The following ASTN2 variants were observed in gnomAD, a reference collection of about 807,000 sequenced individuals.
ASTN2 encodes the protein astrotactin-2.
In ASTN2, 54 loss-of-function variants were observed where a neutral mutation model predicts 139.8. The ratio of observed to expected loss-of-function variants is 0.39; its 90% CI spans 0.31 to 0.48. The LOEUF is 0.48. Ranked by LOEUF, ASTN2 falls within the 20% of genes least tolerant of loss-of-function variation. The pLI is 0.95. For missense variants in ASTN2, 1,565 were observed against 1,725.1 expected, an observed-to-expected ratio of 0.91 and a Z score of 1.64; for synonymous variants, 756 against 719.5, an observed-to-expected ratio of 1.05 and a Z score of -0.81.
chr9:116,838,108 T>G (rs1564295601), intron 11 of ASTN2, among the ~76,000 whole-genome samples: 7 of 136,908 alleles, frequency 5.1e-5, no homozygotes, highest in Non-Finnish European at 1.1e-4. Context: ...TGTGTTTTTT[T>G]TTGTTTTGTT....
intron 20 of ASTN2, among the ~76,000 whole-genome samples, chr9:116,483,976 T>C (rs1849255077): frequency 6.6e-6 from 1 of 152,184 alleles, no homozygotes; most frequent in South Asian, 2.1e-4. Context: ...CAGAATTTGG[T>C]GTCTGACTGT....
At chr9:116,489,412 T>A (rs570268707) in intron 19 of ASTN2, among the ~76,000 whole-genome samples, 1 of 152,112 alleles carries the variant, frequency 6.6e-6, no homozygotes, top group Non-Finnish European at 1.5e-5. Flanking sequence ...CCTCAGCTCA[T>A]TGAAGCCTCT....
At chr9:116,946,599 G>A (rs1225510590) in intron 10 of ASTN2, among the ~76,000 whole-genome samples, 7 of 152,128 alleles carry the variant, frequency 4.6e-5, no homozygotes, top group Admixed American at 3.9e-4. Context: ...ATAGAAACAG[G>A]GAAGGAGAAA....
chr9:116,675,490 C>G lies in ASTN2; in HGVS notation c.2807-23697G>C, dbSNP rs374136885. 3.9e-5 allele frequency among the ~76,000 whole-genome samples: 6 copies of G among 152,110 alleles called. No homozygotes were observed. In the East Asian group the frequency reaches 1.2e-3, roughly 29 times the overall value. ...GCTCCTTCCAGGGGTTCTTGGTTAG[C>G]TCTTTCCAACTAGTAGGAAGAGTCT... On this transcript the variant is annotated intron_variant, in intron 16 of 22. Transcript: ENST00000313400.
At chr9:117,105,435 TGA>T (rs1829079065) in intron 4 of ASTN2, among the ~76,000 whole-genome samples, 1 of 152,114 alleles carries the variant, frequency 6.6e-6, no homozygotes, top group African/African-American at 2.4e-5. Context: ...GGCAAAAACA[TGA>T]GAGAACCTTC....
At chr9:116,465,851 G>C (rs1848633176) in intron 20 of ASTN2, among the ~76,000 whole-genome samples, 1 of 152,206 alleles carries the variant, frequency 6.6e-6, no homozygotes, top group Admixed American at 6.5e-5. Flanking sequence ...TAGTCTTCAA[G>C]TGTGTCTTTA....
chr9:116,636,320 C>T (rs183468362), intron 17 of ASTN2, among the ~76,000 whole-genome samples: 3 of 152,192 alleles, frequency 2.0e-5, no homozygotes, highest in Admixed American at 6.5e-5. Flanking sequence ...TCTAAGGCAA[C>T]GGAAATAGCC....
chr9:116,919,835 G>T (rs1447006103), intron 10 of ASTN2, among the ~76,000 whole-genome samples: 1 of 151,194 alleles, frequency 6.6e-6, no homozygotes, highest in Non-Finnish European at 1.5e-5. Context: ...CATCCTCTTT[G>T]GAGGCTGCAG....
chr9:116,453,254 T>C (rs1263483376), intron 20 of ASTN2, among the ~76,000 whole-genome samples: 1 of 152,140 alleles, frequency 6.6e-6, no homozygotes, highest in Non-Finnish European at 1.5e-5. Flanking sequence ...TTAGTTTTCC[T>C]ATCTGTAAAA....
At chr9:116,691,749 T>C (rs1374258735) in intron 16 of ASTN2, among the ~76,000 whole-genome samples, 1 of 152,224 alleles carries the variant, frequency 6.6e-6, no homozygotes, top group Non-Finnish European at 1.5e-5. Flanking sequence ...GGTGATGACC[T>C]CACTGAATTC....
chr9:116,883,139 T>C (rs1408970569), intron 10 of ASTN2, among the ~76,000 whole-genome samples: 2 of 152,188 alleles, frequency 1.3e-5, no homozygotes, highest in East Asian at 3.8e-4. Context: ...GTTCTACATA[T>C]CTAACAGTGA....
chr9:117,250,133 C>G (rs1411551545), intron 2 of ASTN2, among the ~76,000 whole-genome samples: 1 of 152,204 alleles, frequency 6.6e-6, no homozygotes, highest in Non-Finnish European at 1.5e-5. Context: ...CATTTCAACA[C>G]ACACACCCAC....
chr9:116,880,109 AC>A (rs1387069152), intron 10 of ASTN2, among the ~76,000 whole-genome samples: 5 of 152,252 alleles, frequency 3.3e-5, no homozygotes, highest in African/African-American at 1.2e-4. Flanking sequence ...TAAGACATTT[AC>A]AACAAATGCA....
chr9:117,017,221 T>G (rs1442192714), intron 6 of ASTN2, among the ~76,000 whole-genome samples: 1 of 103,330 alleles, frequency 9.7e-6, no homozygotes, highest in East Asian at 2.4e-4. Context: ...GGCTGAAGGT[T>G]GAAAGCAACT....
At chr9:117,259,817 C>G (rs1180442654) in intron 2 of ASTN2, among the ~76,000 whole-genome samples, 1 of 152,136 alleles carries the variant, frequency 6.6e-6, no homozygotes, top group Non-Finnish European at 1.5e-5. Context: ...GAGGCTGTGT[C>G]ACAGGCATGT....
Position 116,699,621 on chromosome 9 carries a change from A to G in ASTN2, c.2806+26150T>C. On this transcript the variant is annotated intron_variant, in intron 16 of 22. Transcript: ENST00000313400. The surrounding 1 kb of genome is among the most constrained non-coding windows in gnomAD (Gnocchi z 4.2). ...TCCGGTGGGCATAGCCCTAACTCCT[A>G]AGGGGCAGCTGCTGGTCTTGGACTG... is the stretch of plus-strand genomic sequence containing the variant. 4.3e-6 allele frequency: 7 copies of G among 1,614,140 alleles called. No homozygotes were observed. Among genetic ancestry groups the G allele is most frequent in the Non-Finnish European group, 5.9e-6 (7 of 1,180,030 alleles).
intron 16 of ASTN2, among the ~76,000 whole-genome samples, chr9:116,664,204 C>G (rs1463689614): frequency 6.6e-6 from 1 of 150,996 alleles, no homozygotes; most frequent in Non-Finnish European, 1.5e-5. Context: ...ATATATTTTA[C>G]TAAATGGAAA....
chr9:117,065,382 C>G (rs567230486), intron 5 of ASTN2, among the ~76,000 whole-genome samples: 1 of 152,084 alleles, frequency 6.6e-6, no homozygotes, highest in African/African-American at 2.4e-5. Flanking sequence ...GAGAACTTAC[C>G]TTTTTTTCGA....
At chr9:117,251,425 TTATC>T (rs1833535800) in intron 2 of ASTN2, among the ~76,000 whole-genome samples, 1 of 152,062 alleles carries the variant, frequency 6.6e-6, no homozygotes, top group Non-Finnish European at 1.5e-5. Context: ...TAATATAAAT[TTATC>T]TATTTGTGCT....
Sources: allele counts gnomAD v4.1 joint callset (sites outside exome capture counted in the v4.1 genomes callset), GRCh38; gene constraint gnomAD v4.1.1; non-coding constraint Gnocchi (gnomAD v3.1); transcripts MANE v1.5; gene names NCBI Gene and HGNC (gene_info 2026-07-23, HGNC 2026-07-21).